The following AKAP6 variants were observed in gnomAD, a reference collection of about 807,000 sequenced individuals.
AKAP6 encodes A-kinase anchor protein 6.
In AKAP6, 58 loss-of-function variants were observed where a neutral mutation model predicts 188.5. That is an observed-to-expected ratio of 0.31 (90% CI 0.25 to 0.38). The LOEUF (loss-of-function observed/expected upper bound fraction) is 0.38. Ranked by LOEUF, AKAP6 falls within the 10% of genes least tolerant of loss-of-function variation. The pLI is 1.00. For synonymous variants in AKAP6, 989 were observed against 998.6 expected (o/e 0.99, Z 0.18); for missense variants, 2,710 against 2,740.0 (o/e 0.99, Z 0.24).
At chr14:32,331,501 T>C (rs1886534286) in intron 1 of AKAP6, among the ~76,000 whole-genome samples, 1 of 152,100 alleles carries the variant, frequency 6.6e-6, no homozygotes, top group Admixed American at 6.6e-5. Context: ...TCTCCAACTT[T>C]ATGCTTTTGT....
chr14:32,754,443 G>A (rs1724173864), intron 11 of AKAP6, among the ~76,000 whole-genome samples: 1 of 152,052 alleles, frequency 6.6e-6, no homozygotes, highest in Non-Finnish European at 1.5e-5. Flanking sequence ...TCTTACATAT[G>A]TAATGTAAAA....
At chr14:32,335,541 G>A (rs1205895070) in intron 1 of AKAP6, among the ~76,000 whole-genome samples, 1 of 152,164 alleles carries the variant, frequency 6.6e-6, no homozygotes, top group Non-Finnish European at 1.5e-5. Flanking sequence ...TAATTCAGTG[G>A]CATGCAAAGG....
chr14:32,384,502 AT>A (rs1888466447), intron 1 of AKAP6, among the ~76,000 whole-genome samples: 1 of 152,218 alleles, frequency 6.6e-6, no homozygotes, highest in Non-Finnish European at 1.5e-5. Context: ...AAGTCATAGA[AT>A]CATAGAATTT....
At chr14:32,713,349 C>T (rs555258076) in intron 9 of AKAP6, among the ~76,000 whole-genome samples, 1 of 152,106 alleles carries the variant, frequency 6.6e-6, no homozygotes, top group Non-Finnish European at 1.5e-5. Flanking sequence ...GCACTGGCTT[C>T]AACTCAACGT....
At chr14:32,538,301 T>C (rs1882775048) in intron 3 of AKAP6, among the ~76,000 whole-genome samples, 1 of 152,092 alleles carries the variant, frequency 6.6e-6, no homozygotes, top group African/African-American at 2.4e-5. Context: ...CTATGAAAGA[T>C]TTGTAGAATG....
chr14:32,811,836 G>A (rs7140957), intron 12 of AKAP6, among the ~76,000 whole-genome samples: 66,953 of 151,948 alleles, frequency 0.44, 14,925 homozygotes, highest in African/African-American at 0.5. Context: ...CGACTACCTC[G>A]GGATCATGCC....
chr14:32,355,472 G>A (rs1170063001), intron 1 of AKAP6, among the ~76,000 whole-genome samples: 3 of 152,162 alleles, frequency 2.0e-5, no homozygotes, highest in Non-Finnish European at 4.4e-5. Context: ...TGGCAGGACG[G>A]GGAGGCCTCT....
intron 8 of AKAP6, among the ~76,000 whole-genome samples, chr14:32,683,061 T>G (rs1889759777): frequency 6.6e-6 from 1 of 151,840 alleles, no homozygotes; most frequent in African/African-American, 2.4e-5. Context: ...TGGCGTGATC[T>G]TGGCTCACCG....
At chr14:32,536,283 A>G (rs1882673856) in intron 3 of AKAP6, among the ~76,000 whole-genome samples, 1 of 152,232 alleles carries the variant, frequency 6.6e-6, no homozygotes. Context: ...GAGGCTTTCC[A>G]AAAGAAATGA....
intron 1 of AKAP6, among the ~76,000 whole-genome samples, chr14:32,431,104 C>CA (rs201302087): frequency 0.36 from 51,854 of 142,522 alleles, 10,842 homozygotes; most frequent in Non-Finnish European, 0.5. Flanking sequence ...GACTCCATCT[C>CA]AAAAAAAAAA....
At chr14:32,402,384 A>G (rs571111375) in intron 1 of AKAP6, among the ~76,000 whole-genome samples, 2 of 152,322 alleles carry the variant, frequency 1.3e-5, no homozygotes, top group Admixed American at 1.3e-4. Flanking sequence ...CTAAAATTAA[A>G]TTTTTCAGCC....
chr14:32,540,728 C>T (rs1274925587), intron 3 of AKAP6, among the ~76,000 whole-genome samples: 1 of 151,728 alleles, frequency 6.6e-6, no homozygotes, highest in African/African-American at 2.4e-5. Flanking sequence ...GAACTAAAAA[C>T]ATTAGTATTA....
chr14:32,621,305 G>A (rs1187580617), intron 7 of AKAP6, among the ~76,000 whole-genome samples: 1 of 151,904 alleles, frequency 6.6e-6, no homozygotes, highest in Non-Finnish European at 1.5e-5. Flanking sequence ...TTTTGATGTA[G>A]GCATTTAGTG....
intron 2 of AKAP6, among the ~76,000 whole-genome samples, chr14:32,443,949 G>A (rs1594619849): frequency 1.3e-5 from 2 of 152,256 alleles, no homozygotes; most frequent in South Asian, 2.1e-4. Context: ...AGGCAAAGGT[G>A]TTTTGGATAT....
chr14:32,828,707 C>G (rs2034747109), intron 13 of AKAP6, among the ~76,000 whole-genome samples: 1 of 152,314 alleles, frequency 6.6e-6, no homozygotes, highest in Middle Eastern at 3.4e-3. Flanking sequence ...CCTAGGGAAT[C>G]CCTATTCTGT....
chr14:32,496,615 G>C (rs926282329), intron 2 of AKAP6, among the ~76,000 whole-genome samples: 1 of 151,864 alleles, frequency 6.6e-6, no homozygotes, highest in African/African-American at 2.4e-5. Context: ...CCTACTGTTT[G>C]TATATTAATG....
At chr14:32,477,147 C>T (rs1879110095) in intron 2 of AKAP6, among the ~76,000 whole-genome samples, 1 of 152,172 alleles carries the variant, frequency 6.6e-6, no homozygotes, top group African/African-American at 2.4e-5. Flanking sequence ...TCCCTTTTAT[C>T]TGAGGTCTAC....
intron 3 of AKAP6, among the ~76,000 whole-genome samples, chr14:32,538,251 A>C (rs1183763470): frequency 6.6e-6 from 1 of 152,206 alleles, no homozygotes; most frequent in African/African-American, 2.4e-5. Context: ...GCAGGAAGAT[A>C]ATTAGGATAA....
intron 2 of AKAP6, among the ~76,000 whole-genome samples, chr14:32,437,128 A>G (rs1203046829): frequency 4.6e-5 from 7 of 152,154 alleles, no homozygotes; most frequent in African/African-American, 1.7e-4. Context: ...CTTGTCTGAC[A>G]GCTTTTCCTG....
Sources: allele counts gnomAD v4.1 joint callset (sites outside exome capture counted in the v4.1 genomes callset), GRCh38; gene constraint gnomAD v4.1.1; transcripts MANE v1.5; gene names NCBI Gene and HGNC (gene_info 2026-07-23, HGNC 2026-07-21).